Variants in SAE1 observed in about 807,000 individuals in gnomAD.
SAE1 encodes SUMO-activating enzyme subunit 1.
Under a neutral mutation model 40.6 loss-of-function variants are expected in SAE1, and 11 were observed. The ratio of observed to expected loss-of-function variants is 0.27; its 90% CI spans 0.17 to 0.45. The LOEUF is 0.45. Among genes scored for constraint, SAE1 ranks in the 20% least tolerant of loss-of-function variants. The pLI, the probability that SAE1 is intolerant of heterozygous loss-of-function variation, is 1.00. For synonymous variants in SAE1, 155 were observed against 154.3 expected (o/e 1.00, Z -0.03); for missense variants, 373 against 427.3 (o/e 0.87, Z 1.12).
intron 3 of SAE1, 94 bp from the exon 4 acceptor site, chr19:47,152,804 C>G: frequency 8.0e-7 from 1 of 1,248,100 alleles, no homozygotes; most frequent in East Asian, 2.4e-5. Flanking sequence ...TTGAGCATGC[C>G]CAGAGAGACT....
At chr19:47,193,039 C>T (rs1254828072) in intron 6 of SAE1, among the ~76,000 whole-genome samples, 2 of 150,576 alleles carry the variant, frequency 1.3e-5, no homozygotes, top group Non-Finnish European at 2.9e-5. Context: ...GCATCCAGAT[C>T]GTCTAGATGG....
chr19:47,137,994 G>C (rs1207090672), intron 1 of SAE1, among the ~76,000 whole-genome samples: 1 of 151,958 alleles, frequency 6.6e-6, no homozygotes, highest in Admixed American at 6.6e-5. Flanking sequence ...CTCCCAAAGT[G>C]CTGGGATTAC....
chr19:47,153,072 C>A, intron 4 of SAE1, 32 bp downstream of exon 4: 1 of 1,535,552 alleles, frequency 6.5e-7, no homozygotes, highest in South Asian at 1.2e-5. Flanking sequence ...GAGAACATAA[C>A]ATTTTCTCCT....
rs371846940 is a variant in SAE1 at position 47,170,598 on chromosome 19, C to T, written c.733+675C>T. ...CATGGTTCACTGTAGCCTCTACTTC[C>T]TGGGCTTAAGTGCTCCCCATGCCTC... is the stretch of plus-strand genomic sequence containing the variant. On this transcript the variant is annotated intron_variant, in intron 6 of 8. Coordinates refer to ENST00000270225, the MANE Select transcript of SAE1 (RefSeq NM_005500.3). Among the ~76,000 whole-genome samples, 269 of 149,474 alleles carry T rather than the reference C, an allele frequency of 1.8e-3. 4 individuals are homozygous for T. In the South Asian group the frequency reaches 0.055, roughly 30 times the overall value.
At chr19:47,160,479 C>T (rs1465838359) in intron 5 of SAE1, among the ~76,000 whole-genome samples, 1 of 149,868 alleles carries the variant, frequency 6.7e-6, no homozygotes, top group Non-Finnish European at 1.5e-5. Context: ...ACTGCAAGCT[C>T]CACCTCCTGG....
intron 7 of SAE1, among the ~76,000 whole-genome samples, chr19:47,198,714 T>G (rs2058632652): frequency 1.3e-5 from 2 of 152,154 alleles, no homozygotes; most frequent in African/African-American, 2.4e-5. Context: ...TGCTGGGAAC[T>G]TCAGGTGAGC....
At chr19:47,155,310 G>T (rs1400839397) in intron 5 of SAE1, 97 bp downstream of exon 5, 43 of 772,348 alleles carry the variant, frequency 5.6e-5, no homozygotes, top group Non-Finnish European at 7.8e-5. Flanking sequence ...CTTCTTGAAG[G>T]GGTGGGGCGG....
chr19:47,160,231 T>TTTTTG (rs2058350780), intron 5 of SAE1, among the ~76,000 whole-genome samples: 1 of 140,016 alleles, frequency 7.1e-6, no homozygotes, highest in Admixed American at 7.2e-5. Flanking sequence ...TTTTTTTTTT[T>TTTTTG]TTTTTTTTGA....
In SAE1 at chr19:47,182,507, A is replaced by G. The variant is rs952807671; in HGVS notation, c.733+12584A>G. Among the ~76,000 whole-genome samples the G allele has an allele frequency of 2.3e-4, 31 of 137,672 alleles. No individual in the cohort carries two copies. The East Asian group carries it at 3.4e-3, about 15-fold the overall frequency. The allele number at this position is 137,672 out of a possible 152,430, so 90.3% of individuals were successfully genotyped here. A position where few individuals can be genotyped will look rare whatever the true frequency, so the allele number is the denominator to read the frequency against. ...TGTGTGTGTGTGTGTGCGCGCACGC[A>G]CGCGCGCGCGCACACCACTGCCTTA... On this transcript the variant is annotated intron_variant, in intron 6 of 8. Coordinates refer to ENST00000270225, the MANE Select transcript of SAE1 (RefSeq NM_005500.3).
chr19:47,188,937 G>C (rs1045436809), intron 6 of SAE1, among the ~76,000 whole-genome samples: 2 of 152,170 alleles, frequency 1.3e-5, no homozygotes, highest in Non-Finnish European at 2.9e-5. Flanking sequence ...GCACCCCCCT[G>C]AGGCTCTCTC....
chr19:47,180,109 G>A (rs985610802), intron 6 of SAE1: 1 of 453,384 alleles, frequency 2.2e-6, no homozygotes. Context: ...ATGTATGTGT[G>A]TATGCATATC....
chr19:47,184,210 T>C (rs1174280717), intron 6 of SAE1, among the ~76,000 whole-genome samples: 2 of 152,134 alleles, frequency 1.3e-5, no homozygotes, highest in Non-Finnish European at 2.9e-5. Flanking sequence ...GCCAAATCCA[T>C]TTTAAAGTGA....
At position 47,159,578 on chromosome 19, in the gene SAE1, G is replaced by A. The variant is rs116760620; in HGVS notation, c.627+4365G>A. Among the ~76,000 whole-genome samples the A allele has an allele frequency of 8.0e-3, 1,214 of 151,378 alleles. 18 individuals are homozygous for A. Among genetic ancestry groups the A allele is most frequent in the African/African-American group, 0.027 (1,129 of 41,230 alleles). ...TTTTTTTTTTTTTCTTTGAAGCAGGGTCTGACTACTCTGTCACCTAGGCTG... is the reference window on the plus strand; with the variant it reads ...TTTTTTTTTTTTTCTTTGAAGCAGGATCTGACTACTCTGTCACCTAGGCTG... On this transcript the variant is annotated intron_variant, in intron 5 of 8. Transcript: ENST00000270225.
chr19:47,162,968 G>C (rs2058368270), intron 5 of SAE1, among the ~76,000 whole-genome samples: 1 of 151,838 alleles, frequency 6.6e-6, no homozygotes, highest in African/African-American at 2.4e-5. Context: ...GTACATCCTG[G>C]GTGACAGAGC....
intron 6 of SAE1, among the ~76,000 whole-genome samples, chr19:47,170,494 G>GC (rs1022570840): frequency 8.0e-6 from 1 of 125,252 alleles, no homozygotes; most frequent in African/African-American, 3.0e-5. Context: ...TCTCTTCACC[G>GC]CCCCCCGCCT....
chr19:47,200,613 A>G (rs2058647368), intron 7 of SAE1, among the ~76,000 whole-genome samples: 1 of 152,078 alleles, frequency 6.6e-6, no homozygotes, highest in African/African-American at 2.4e-5. Flanking sequence ...GATTCAAGCC[A>G]TCCTTCTGCC....
At chr19:47,195,508 T>A (rs996586168) in intron 6 of SAE1, among the ~76,000 whole-genome samples, 4 of 152,120 alleles carry the variant, frequency 2.6e-5, no homozygotes, top group South Asian at 4.1e-4. Context: ...GGGATTGAGA[T>A]AGTTTTCATA....
intron 8 of SAE1, among the ~76,000 whole-genome samples, chr19:47,204,859 A>G (rs1424744833): frequency 1.3e-5 from 2 of 152,066 alleles, no homozygotes; most frequent in Admixed American, 1.3e-4. Flanking sequence ...CTGTGTCCCC[A>G]TGAACACACC....
chr19:47,178,472 G>A (rs764421450), intron 6 of SAE1, among the ~76,000 whole-genome samples: 11 of 152,108 alleles, frequency 7.2e-5, no homozygotes, highest in Non-Finnish European at 1.2e-4. Flanking sequence ...TTGCTTACTC[G>A]TTTATGTTTA....
Sources: allele counts gnomAD v4.1 joint callset (sites outside exome capture counted in the v4.1 genomes callset), GRCh38; gene constraint gnomAD v4.1.1; transcripts MANE v1.5; gene names NCBI Gene and HGNC (gene_info 2026-07-23, HGNC 2026-07-21).